Variants in B3GAT2 observed in about 807,000 individuals in gnomAD.
The protein encoded by B3GAT2 is beta-1,3-glucuronyltransferase 2.
Under a neutral mutation model 27.8 loss-of-function variants are expected in B3GAT2, and 26 were observed. The observed-to-expected ratio is 0.93, with a 90% confidence interval of 0.68 to 1.30. B3GAT2 has a LOEUF of 1.30. Among genes scored for constraint, B3GAT2 ranks in the 50% most tolerant of loss-of-function variants. The pLI, the probability that B3GAT2 is intolerant of heterozygous loss-of-function variation, is 0.00. For synonymous variants in B3GAT2, 218 were observed against 195.1 expected (o/e 1.12, Z -0.98); for missense variants, 458 against 459.0 (o/e 1.00, Z 0.02).
chr6:70,956,085 C>T lies in B3GAT2; in HGVS notation c.345G>A (p.Leu115=). 1.3e-6 allele frequency: 2 copies of T among 1,594,974 alleles called. No individual in the cohort carries two copies. The highest frequency in any genetic ancestry group is 2.3e-5 in the East Asian group (1 of 43,368). The change falls in exon 1 of 4, where the codon CTG becomes CTA. Residue 115 remains leucine (L), a synonymous_variant. Coordinates refer to ENST00000230053, the MANE Select transcript of B3GAT2 (RefSeq NM_080742.3). ...FRQVAQLHWI[L]VEDAAARSEL... ...CGCTGCGCGCCGCCGCGTCCTCCACCAGGATCCAGTGCAGCTGCGCCACCT... is the reference window on the plus strand; with the variant it reads ...CGCTGCGCGCCGCCGCGTCCTCCACTAGGATCCAGTGCAGCTGCGCCACCT...
intron 1 of B3GAT2, among the ~76,000 whole-genome samples, chr6:70,904,704 C>T (rs982891061): frequency 1.3e-5 from 2 of 152,096 alleles, no homozygotes; most frequent in Admixed American, 6.5e-5. Flanking sequence ...AGAATGACAT[C>T]GATGGATTAA....
intron 2 of B3GAT2, among the ~76,000 whole-genome samples, chr6:70,862,587 A>G (rs982214538): frequency 2.0e-5 from 3 of 152,200 alleles, no homozygotes; most frequent in African/African-American, 4.8e-5. Context: ...AGTGCAGGAG[A>G]TATCAGGCCA....
intron 2 of B3GAT2, among the ~76,000 whole-genome samples, chr6:70,876,495 T>C (rs1772016500): frequency 1.3e-5 from 2 of 152,216 alleles, no homozygotes; most frequent in Non-Finnish European, 2.9e-5. Context: ...GTACTTTCAC[T>C]GTTCTGTGCC....
chr6:70,898,291 G>T (rs1406867640), intron 1 of B3GAT2, among the ~76,000 whole-genome samples: 2 of 151,916 alleles, frequency 1.3e-5, no homozygotes, highest in African/African-American at 4.8e-5. Context: ...TTTAATTCTT[G>T]AATCAATATT....
intron 2 of B3GAT2, among the ~76,000 whole-genome samples, chr6:70,887,726 T>C (rs1772212249): frequency 6.6e-6 from 1 of 152,118 alleles, no homozygotes; most frequent in Non-Finnish European, 1.5e-5. Context: ...CGGGAGGAGC[T>C]ATCTTAATTG....
intron 1 of B3GAT2, among the ~76,000 whole-genome samples, chr6:70,911,922 T>C (rs992507274): frequency 6.6e-6 from 1 of 152,162 alleles, no homozygotes; most frequent in Admixed American, 6.5e-5. Context: ...ATGAATGGGA[T>C]TGTGTCCTTG....
At position 70,857,076 on chromosome 6, in the gene B3GAT2, A is replaced by C. The variant is rs763929124; in HGVS notation, c.*4587T>G. 2 of 1,500,284 alleles carry C rather than the reference A, an allele frequency of 1.3e-6. No individual in the cohort carries two copies. Among genetic ancestry groups the C allele is most frequent in the South Asian group, 1.4e-5 (1 of 72,762 alleles). The allele number at this position is 1,500,284 out of a possible 1,614,324, so 92.9% of individuals were successfully genotyped here. ...CTTTCAGTGACATTACTAGAAGTACATCCTTTGTAATTATATAATAAGATC... is the reference window on the plus strand; with the variant it reads ...CTTTCAGTGACATTACTAGAAGTACCTCCTTTGTAATTATATAATAAGATC... On this transcript the variant is annotated 3_prime_UTR_variant, in exon 4 of 4. Transcript: ENST00000230053.
chr6:70,936,962 G>A (rs969259671), intron 1 of B3GAT2, among the ~76,000 whole-genome samples: 142 of 151,980 alleles, frequency 9.3e-4, no homozygotes, highest in Non-Finnish European at 1.4e-3. Context: ...AATGAATCCA[G>A]GAGCTGGTTA....
At chr6:70,871,222 G>GTTTTTTTTTTTTTTTTTTTTTTT (rs11367700) in intron 2 of B3GAT2, among the ~76,000 whole-genome samples, 1 of 65,632 alleles carries the variant, frequency 1.5e-5, no homozygotes, top group Non-Finnish European at 3.7e-5. Context: ...TTTTTTTTTT[G>GTTTTTTTTTTTTTTTTTTTTTTT]TTTTTTTTTT....
rs1772064261 is a variant in B3GAT2 at position 70,879,408 on chromosome 6, C to T, written c.736+14720G>A. ...CCCTCCTTCATAGAGAAGCAGTTTT[C>T]CCCCTGACCCCCTGTGAATACCCTT... On this transcript the variant is annotated intron_variant, in intron 2 of 3. Coordinates refer to ENST00000230053, the MANE Select transcript of B3GAT2 (RefSeq NM_080742.3). Among the ~76,000 whole-genome samples, 2 of 152,162 alleles carry T rather than the reference C, an allele frequency of 1.3e-5. 1 individual carries two copies. Among genetic ancestry groups the T allele is most frequent in the South Asian group, 4.1e-4 (2 of 4,836 alleles).
At chr6:70,898,834 G>A (rs570813639) in intron 1 of B3GAT2, among the ~76,000 whole-genome samples, 1 of 152,160 alleles carries the variant, frequency 6.6e-6, no homozygotes, top group Non-Finnish European at 1.5e-5. Flanking sequence ...TTGGTGGTGT[G>A]TGCCTGTAGT....
At chr6:70,884,269 T>TCAGAGAG (rs1286135938) in intron 2 of B3GAT2, among the ~76,000 whole-genome samples, 1 of 152,090 alleles carries the variant, frequency 6.6e-6, no homozygotes, top group East Asian at 1.9e-4. Flanking sequence ...TAGACCCTCC[T>TCAGAGAG]CAGAGAGCTC....
At chr6:70,873,973 GACA>G (rs1771976408) in intron 2 of B3GAT2, among the ~76,000 whole-genome samples, 1 of 151,896 alleles carries the variant, frequency 6.6e-6, no homozygotes, top group Non-Finnish European at 1.5e-5. Context: ...TAGCTATTTA[GACA>G]TGGTTATCTT....
intron 1 of B3GAT2, among the ~76,000 whole-genome samples, chr6:70,928,137 G>A (rs6455390): frequency 0.47 from 70,871 of 151,892 alleles, 16,940 homozygotes; most frequent in East Asian, 0.6. Context: ...TGAAACCAAC[G>A]AGAACAAAGA....
intron 1 of B3GAT2, among the ~76,000 whole-genome samples, chr6:70,927,657 G>A (rs1019397176): frequency 2.6e-5 from 4 of 152,092 alleles, no homozygotes; most frequent in Non-Finnish European, 4.4e-5. Context: ...CCCAATACAG[G>A]AGCACCCAGA....
intron 1 of B3GAT2, among the ~76,000 whole-genome samples, chr6:70,902,728 T>C (rs1215697720): frequency 6.6e-6 from 1 of 151,616 alleles, no homozygotes; most frequent in African/African-American, 2.4e-5. Context: ...AAGGAAATCC[T>C]GTAATTTGCA....
At chr6:70,890,376 G>A (rs994166464) in intron 2 of B3GAT2, among the ~76,000 whole-genome samples, 13 of 152,054 alleles carry the variant, frequency 8.5e-5, no homozygotes, top group African/African-American at 3.1e-4. Context: ...TGGTCCACAG[G>A]ACTCCAGACC....
chr6:70,861,867 A>G lies in B3GAT2; in HGVS notation c.848T>C (p.Val283Ala). Residue 283 changes from valine to alanine, a missense_variant, in exon 3 of 4, where the codon GTC becomes GCC. Physicochemically the swap from Val to Ala is moderately conservative, Grantham distance 64. Coordinates refer to ENST00000230053, the MANE Select transcript of B3GAT2 (RefSeq NM_080742.3). ...ATTTGCTTTCGGTTCCAGTTCTTCG[A>G]CTGTTGTTATCTGTTTGAGAAAGTC... ...ESDFLKQITTVEELEPKANNC... is the reference protein window; with the variant it reads ...ESDFLKQITTAEELEPKANNC... The G allele has an allele frequency of 6.2e-7, 1 of 1,613,956 alleles. No individual in the cohort carries two copies. Among genetic ancestry groups the G allele is most frequent in the Non-Finnish European group, 8.5e-7 (1 of 1,179,970 alleles).
At chr6:70,919,436 G>C (rs139770891) in intron 1 of B3GAT2, among the ~76,000 whole-genome samples, 37 of 152,226 alleles carry the variant, frequency 2.4e-4, no homozygotes, top group African/African-American at 8.9e-4. Context: ...GTCCAGTTTT[G>C]TTCCCTTGCT....
Sources: gnomAD v4.1 joint callset for allele counts (sites outside exome capture counted in the v4.1 genomes callset) on GRCh38, gnomAD v4.1.1 for gene constraint, MANE v1.5 for transcripts, NCBI Gene and HGNC (gene_info 2026-07-23, HGNC 2026-07-21) for gene names.